The following TRHDE variants were observed in gnomAD, a reference collection of about 807,000 sequenced individuals.
TRHDE encodes thyrotropin-releasing hormone-degrading ectoenzyme.
Under a neutral mutation model 125.7 loss-of-function variants are expected in TRHDE, and 72 were observed. The ratio of observed to expected loss-of-function variants is 0.57; its 90% CI spans 0.47 to 0.70. The LOEUF is 0.70. Among genes scored for constraint, TRHDE ranks in the 30% least tolerant of loss-of-function variants. The pLI is 0.00. For synonymous variants in TRHDE, 509 were observed against 509.1 expected (o/e 1.00, Z 0.00); for missense variants, 1,110 against 1,327.1 (o/e 0.84, Z 2.54).
At chr12:72,307,449 C>G (rs544359164) in intron 2 of TRHDE, among the ~76,000 whole-genome samples, 2 of 151,758 alleles carry the variant, frequency 1.3e-5, no homozygotes, top group East Asian at 3.9e-4. Flanking sequence ...GAATTAAAGG[C>G]ATGAGCCACC....
chr12:72,448,748 GA>G (rs36100035), intron 3 of TRHDE, among the ~76,000 whole-genome samples: 3 of 148,050 alleles, frequency 2.0e-5, no homozygotes, highest in South Asian at 2.1e-4. Flanking sequence ...AGCAATTTAG[GA>G]AAAAAAAATG....
intron 3 of TRHDE, among the ~76,000 whole-genome samples, chr12:72,432,999 TTTTATTATTATG>T (rs1874565506): frequency 6.6e-6 from 1 of 152,168 alleles, no homozygotes; most frequent in South Asian, 2.1e-4. Context: ...CTGTGTATTT[TTTTATTATTATG>T]AAAGGGTGCT....
At chr12:72,493,611 A>G (rs956625442) in intron 5 of TRHDE, among the ~76,000 whole-genome samples, 1 of 151,926 alleles carries the variant, frequency 6.6e-6, no homozygotes, top group African/African-American at 2.4e-5. Flanking sequence ...GTCACTTCCT[A>G]ACACTAGCTT....
intron 15 of TRHDE, among the ~76,000 whole-genome samples, chr12:72,637,309 C>T (rs536283238): frequency 1.3e-5 from 2 of 152,338 alleles, no homozygotes; most frequent in South Asian, 4.1e-4. Flanking sequence ...TTGTAATATT[C>T]TCTGATGGTA....
intron 3 of TRHDE, among the ~76,000 whole-genome samples, chr12:72,409,956 T>C (rs1873425238): frequency 6.6e-6 from 1 of 151,816 alleles, no homozygotes; most frequent in Non-Finnish European, 1.5e-5. Flanking sequence ...ACTATAAAAC[T>C]ATCAAAAAAG....
intron 9 of TRHDE, among the ~76,000 whole-genome samples, chr12:72,566,725 T>C (rs7310174): frequency 0.27 from 40,158 of 151,536 alleles, 7,981 homozygotes; most frequent in African/African-American, 0.54. Context: ...TCTATATTCT[T>C]TGCCTTTTAA....
intron 3 of TRHDE, among the ~76,000 whole-genome samples, chr12:72,419,699 G>T (rs1873873336): frequency 6.6e-6 from 1 of 152,038 alleles, no homozygotes. Context: ...ACATTTGGTG[G>T]GGAAAAATAT....
intron 15 of TRHDE, among the ~76,000 whole-genome samples, chr12:72,647,928 T>C (rs1874348366): frequency 6.6e-6 from 1 of 152,076 alleles, no homozygotes; most frequent in Non-Finnish European, 1.5e-5. Flanking sequence ...AGCATCACCC[T>C]GGTAGCAAAG....
In TRHDE at chr12:72,378,048, T is replaced by C. The variant is rs765149154; in HGVS notation, c.1242T>C (p.Ala414=). Reference sequence around the variant, plus strand: ...TCAGAAGAGGATCCGGGGACTATGCTCTCCATATAACAAAGAGATTAATAG... The same window carrying C: ...TCAGAAGAGGATCCGGGGACTATGCCCTCCATATAACAAAGAGATTAATAG... ...DAIRRGSGDY[A]LHITKRLIEF... The change falls in exon 3 of 19, where the codon GCT becomes GCC. Residue 414 remains alanine, a synonymous_variant. Transcript: ENST00000261180. The C allele has an allele frequency of 1.2e-6, 2 of 1,607,628 alleles. No homozygotes were observed. Among genetic ancestry groups the C allele is most frequent in the Non-Finnish European group, 8.5e-7 (1 of 1,176,186 alleles).
At chr12:72,355,108 T>C (rs1160458000) in intron 2 of TRHDE, among the ~76,000 whole-genome samples, 1 of 151,514 alleles carries the variant, frequency 6.6e-6, no homozygotes, top group Non-Finnish European at 1.5e-5. Context: ...AGAATAATCT[T>C]ATTCAAATAA....
intron 15 of TRHDE, among the ~76,000 whole-genome samples, chr12:72,623,207 A>T (rs1013049220): frequency 1.3e-5 from 2 of 152,068 alleles, no homozygotes; most frequent in African/African-American, 4.8e-5. Flanking sequence ...TATAAAAAAG[A>T]TGAAACATAT....
At chr12:72,302,565 T>G (rs1205713117) in intron 2 of TRHDE, among the ~76,000 whole-genome samples, 1 of 152,142 alleles carries the variant, frequency 6.6e-6, no homozygotes, top group Non-Finnish European at 1.5e-5. Context: ...AAATGGAGGC[T>G]GAGAGAGATG....
chr12:72,450,688 T>G (rs1263368793), intron 3 of TRHDE, among the ~76,000 whole-genome samples: 1 of 152,084 alleles, frequency 6.6e-6, no homozygotes, highest in Non-Finnish European at 1.5e-5. Flanking sequence ...ATATGATAAT[T>G]CTATTTTTAA....
chr12:72,535,380 A>C (rs1868802125), intron 6 of TRHDE, among the ~76,000 whole-genome samples: 1 of 152,088 alleles, frequency 6.6e-6, no homozygotes, highest in Non-Finnish European at 1.5e-5. Context: ...GTGAGAACCC[A>C]TCTGGGGTTG....
chr12:72,273,581 C>G lies in TRHDE; in HGVS notation c.914+24C>G, dbSNP rs757490088. On this transcript the variant is annotated intron_variant, in intron 1 of 18. Coordinates refer to ENST00000261180, the MANE Select transcript of TRHDE (RefSeq NM_013381.3). The surrounding 1 kb of genome is among the most constrained non-coding windows in gnomAD (Gnocchi z 5.3). ...AGGTATGGAGGGAGGCGGTGCCCCG[C>G]GCTGCCCCACCCCGGCGCGCGGCTC... The G allele has an allele frequency of 1.3e-6, 2 of 1,558,484 alleles. No homozygotes were observed. The highest frequency in any genetic ancestry group is 3.4e-5 in the Admixed American group (2 of 58,348).
At chr12:72,425,712 CT>C (rs1316332700) in intron 3 of TRHDE, among the ~76,000 whole-genome samples, 1 of 151,784 alleles carries the variant, frequency 6.6e-6, no homozygotes, top group Non-Finnish European at 1.5e-5. Context: ...AAAGAAGCAA[CT>C]TAAAAAAATA....
chr12:72,578,467 G>T (rs1469970029), intron 12 of TRHDE, among the ~76,000 whole-genome samples: 1 of 152,036 alleles, frequency 6.6e-6, no homozygotes, highest in Non-Finnish European at 1.5e-5. Context: ...AAAAATGTAT[G>T]ATTTTACTCA....
intron 3 of TRHDE, among the ~76,000 whole-genome samples, chr12:72,426,861 GT>G (rs1382074524): frequency 6.6e-6 from 1 of 151,360 alleles, no homozygotes; most frequent in Non-Finnish European, 1.5e-5. Context: ...TGTTGTTTTT[GT>G]TTTTTTCTCA....
At chr12:72,465,396 C>A (rs932057292) in intron 3 of TRHDE, among the ~76,000 whole-genome samples, 5 of 152,152 alleles carry the variant, frequency 3.3e-5, no homozygotes, top group Non-Finnish European at 7.4e-5. Context: ...CCCCAGGCAA[C>A]CTCTGATGTG....
Sources: gnomAD v4.1 joint callset for allele counts (sites outside exome capture counted in the v4.1 genomes callset) on GRCh38, gnomAD v4.1.1 for gene constraint, Gnocchi (gnomAD v3.1) non-coding constraint, MANE v1.5 for transcripts, NCBI Gene and HGNC (gene_info 2026-07-23, HGNC 2026-07-21) for gene names.